Variants in TENM2 observed in about 807,000 individuals in gnomAD.
The protein encoded by TENM2 is teneurin transmembrane protein 2.
A neutral mutation model predicts 245.2 loss-of-function variants in TENM2; 52 were observed. The ratio of observed to expected loss-of-function variants is 0.21; its 90% confidence interval spans 0.17 to 0.27. The LOEUF is 0.27. Among genes scored for constraint, TENM2 ranks in the 10% least tolerant of loss-of-function variants. The pLI is 1.00. For missense variants in TENM2, 3,046 were observed against 3,666.8 expected (o/e 0.83, Z 4.37); for synonymous variants, 1,363 against 1,438.9 (o/e 0.95, Z 1.19).
chr5:167,801,905 GACAC>G (rs10643504), intron 2 of TENM2, among the ~76,000 whole-genome samples: 31 of 149,378 alleles, frequency 2.1e-4, no homozygotes, highest in Non-Finnish European at 3.4e-4. Flanking sequence ...CACACACACA[GACAC>G]ACACACACAC....
At chr5:167,675,955 T>C (rs76043501) in intron 2 of TENM2, among the ~76,000 whole-genome samples, 1,953 of 152,150 alleles carry the variant, frequency 0.013, 50 homozygotes, top group African/African-American at 0.045. Context: ...ATGTCAAAGA[T>C]CAGTCTGACT....
the TENM2 span, among the ~76,000 whole-genome samples, chr5:167,145,985 A>C: frequency 4.6e-5 from 7 of 151,882 alleles, no homozygotes; most frequent in Non-Finnish European, 7.4e-5. Flanking sequence ...CTGGGGTGGA[A>C]CTCCCCGTGA....
intron 2 of TENM2, among the ~76,000 whole-genome samples, chr5:167,406,093 A>G (rs1359400327): frequency 3.3e-5 from 5 of 152,150 alleles, no homozygotes; most frequent in Non-Finnish European, 7.4e-5. Context: ...AAAAATAGTG[A>G]CTAACCAAGT....
the TENM2 span, among the ~76,000 whole-genome samples, chr5:167,204,961 G>C: frequency 6.6e-6 from 1 of 152,160 alleles, no homozygotes; most frequent in Admixed American, 6.5e-5. Flanking sequence ...CTCATATCTT[G>C]AGCTCCAGTC....
intron 5 of TENM2, among the ~76,000 whole-genome samples, chr5:168,018,445 G>C (rs1213086625): frequency 6.6e-6 from 1 of 150,682 alleles, no homozygotes; most frequent in Admixed American, 6.6e-5. Flanking sequence ...ATGAGCTTTA[G>C]GGGGAGAAAA....
intron 2 of TENM2, among the ~76,000 whole-genome samples, chr5:167,654,608 T>C (rs549820765): frequency 9.9e-5 from 15 of 152,018 alleles, no homozygotes; most frequent in Non-Finnish European, 1.9e-4. Context: ...TTTTTTTACA[T>C]TTACTTCATT....
chr5:167,963,193 A>G (rs541009780), intron 4 of TENM2, among the ~76,000 whole-genome samples: 2 of 152,160 alleles, frequency 1.3e-5, no homozygotes, highest in Non-Finnish European at 2.9e-5. Context: ...GTTTTGAGGG[A>G]TGAATAGGAA....
chr5:167,864,213 C>T (rs960059136), intron 2 of TENM2, among the ~76,000 whole-genome samples: 7 of 152,144 alleles, frequency 4.6e-5, no homozygotes, highest in African/African-American at 1.7e-4. Context: ...CACAGATTTA[C>T]AGTTGAGAAC....
intron 2 of TENM2, among the ~76,000 whole-genome samples, chr5:167,716,884 ATATTTTATTTTATTTTATTT>A (rs200661613): frequency 0.02 from 2,681 of 132,182 alleles, 73 homozygotes; most frequent in African/African-American, 0.064. Context: ...GTCTTTTTTT[ATATTTTATTTTATTTTATTT>A]TATTTTATTT....
chr5:167,219,823 T>C, the TENM2 span, among the ~76,000 whole-genome samples: 1 of 152,232 alleles, frequency 6.6e-6, no homozygotes, highest in Non-Finnish European at 1.5e-5. Flanking sequence ...TTTGAAAGCA[T>C]TCTAGTGTTG....
chr5:167,351,479 T>G (rs1758910202), intron 1 of TENM2, among the ~76,000 whole-genome samples: 1 of 152,156 alleles, frequency 6.6e-6, no homozygotes, highest in South Asian at 2.1e-4. Flanking sequence ...CTAGATGCTA[T>G]GGGTTCACTG....
At chr5:168,223,496 T>C (rs1221412535) in intron 23 of TENM2, among the ~76,000 whole-genome samples, 1 of 143,160 alleles carries the variant, frequency 7.0e-6, no homozygotes, top group South Asian at 2.2e-4. Flanking sequence ...TGAGACGGAG[T>C]CTTGCTCTGT....
chr5:167,994,789 C>A (rs1422545841), intron 5 of TENM2, among the ~76,000 whole-genome samples: 1 of 152,132 alleles, frequency 6.6e-6, no homozygotes, highest in Admixed American at 6.5e-5. Flanking sequence ...AATTTCGAGT[C>A]ATGTCTGCTT....
chr5:167,999,331 G>A (rs1784268252), intron 5 of TENM2, among the ~76,000 whole-genome samples: 1 of 152,238 alleles, frequency 6.6e-6, no homozygotes, highest in African/African-American at 2.4e-5. Context: ...CTGCCCACAA[G>A]TAAGTCAGGG....
intron 2 of TENM2, among the ~76,000 whole-genome samples, chr5:167,692,859 T>A (rs529571586): frequency 1.2e-4 from 18 of 152,198 alleles, no homozygotes; most frequent in Non-Finnish European, 2.6e-4. Flanking sequence ...TGGACGATAG[T>A]GTTGCATATG....
intron 4 of TENM2, among the ~76,000 whole-genome samples, chr5:167,968,348 A>G (rs1781530149): frequency 6.6e-6 from 1 of 152,192 alleles, no homozygotes; most frequent in African/African-American, 2.4e-5. Context: ...CTTGCTCAAA[A>G]TAACTGTTTA....
At chr5:167,594,914 T>C (rs1776102243) in intron 2 of TENM2, among the ~76,000 whole-genome samples, 1 of 152,218 alleles carries the variant, frequency 6.6e-6, no homozygotes. Flanking sequence ...TGATTGTTTC[T>C]GGCAGTTTGA....
intron 13 of TENM2, among the ~76,000 whole-genome samples, chr5:168,188,855 A>G (rs1360771967): frequency 6.6e-6 from 1 of 152,120 alleles, no homozygotes; most frequent in Non-Finnish European, 1.5e-5. Flanking sequence ...TGCTTCTTTG[A>G]GAACCTCTGA....
chr5:167,008,371 G>A, the TENM2 span, among the ~76,000 whole-genome samples: 26 of 152,286 alleles, frequency 1.7e-4, no homozygotes, highest in African/African-American at 5.5e-4. Context: ...AAAGGGGGCA[G>A]CAGTTCATAC....
Sources: allele counts gnomAD v4.1 joint callset (sites outside exome capture counted in the v4.1 genomes callset), GRCh38; gene constraint gnomAD v4.1.1; transcripts MANE v1.5; gene names NCBI Gene and HGNC (gene_info 2026-07-23, HGNC 2026-07-21).